The following ATP12A variants were observed in gnomAD, a reference collection of about 807,000 sequenced individuals.
ATP12A encodes potassium-transporting ATPase alpha chain 2.
In ATP12A, 81 loss-of-function variants were observed where a neutral mutation model predicts 111.2. The ratio of observed to expected loss-of-function variants is 0.73; its 90% CI spans 0.61 to 0.88. The LOEUF (loss-of-function observed/expected upper bound fraction) is 0.88. Ranked by LOEUF, ATP12A falls within the 40% of genes least tolerant of loss-of-function variation. ATP12A has a pLI of 0.00. For missense variants in ATP12A, 1,196 were observed against 1,313.1 expected, an observed-to-expected ratio of 0.91 and a Z score of 1.38; for synonymous variants, 498 against 499.8, an observed-to-expected ratio of 1.00 and a Z score of 0.05.
chr13:24,689,861 C>T (rs77183330), intron 5 of ATP12A, among the ~76,000 whole-genome samples: 3,489 of 152,206 alleles, frequency 0.023, 129 homozygotes, highest in African/African-American at 0.079. Flanking sequence ...GAAAAGACGC[C>T]TCCTGCCAAG....
At chr13:24,690,918 C>T (rs999914359) in intron 7 of ATP12A, 64 bp from the exon 8 acceptor site, 2 of 1,594,878 alleles carry the variant, frequency 1.3e-6, no homozygotes, top group African/African-American at 2.7e-5. Context: ...GAGAGGGCTG[C>T]AAGCTGGCTG....
intron 2 of ATP12A, among the ~76,000 whole-genome samples, chr13:24,683,941 A>G (rs912132925): frequency 2.0e-5 from 3 of 152,184 alleles, no homozygotes; most frequent in Non-Finnish European, 4.4e-5. Context: ...GCCTAATGAC[A>G]ACTGAAGTAT....
At chr13:24,709,874 T>C in intron 19 of ATP12A, 46 bp downstream of exon 19, 1 of 1,608,052 alleles carries the variant, frequency 6.2e-7, no homozygotes, top group Non-Finnish European at 8.5e-7. Context: ...ATTCTCTCCA[T>C]GCTCATTGCC....
chr13:24,701,013 G>GC, intron 13 of ATP12A, 91 bp downstream of exon 13: 3 of 1,350,302 alleles, frequency 2.2e-6, no homozygotes, highest in Non-Finnish European at 2.0e-6. Context: ...CAGTATTTAG[G>GC]TGTCTTCAAG....
At chr13:24,696,957 C>A (rs1052808601) in intron 11 of ATP12A, among the ~76,000 whole-genome samples, 23 of 152,174 alleles carry the variant, frequency 1.5e-4, no homozygotes, top group Non-Finnish European at 2.9e-4. Context: ...CCCAAACACA[C>A]TGGTCTGTTA....
At chr13:24,706,041 C>T (rs1446245435) in intron 14 of ATP12A, among the ~76,000 whole-genome samples, 1 of 152,206 alleles carries the variant, frequency 6.6e-6, no homozygotes, top group Non-Finnish European at 1.5e-5. Flanking sequence ...GTACCACTCT[C>T]ACCTGTTCTA....
intron 2 of ATP12A, among the ~76,000 whole-genome samples, chr13:24,682,671 T>C (rs1383231885): frequency 1.3e-5 from 2 of 152,192 alleles, no homozygotes; most frequent in African/African-American, 4.8e-5. Flanking sequence ...CCATGCTAGA[T>C]TGCAGGTGTG....
intron 2 of ATP12A, among the ~76,000 whole-genome samples, chr13:24,682,902 T>C (rs1052801451): frequency 6.6e-6 from 1 of 151,858 alleles, no homozygotes; most frequent in Non-Finnish European, 1.5e-5. Flanking sequence ...TCACGTGCTT[T>C]AGGGGAGTAC....
chr13:24,711,669 T>C lies in ATP12A; in HGVS notation c.*147T>C. 2 of 1,066,294 alleles carry C rather than the reference T, an allele frequency of 1.9e-6. No homozygotes were observed. Among genetic ancestry groups the C allele is most frequent in the Non-Finnish European group, 2.7e-6 (2 of 733,462 alleles). The allele number at this position is 1,066,294 out of a possible 1,614,324, so 66.1% of individuals were successfully genotyped here. The stretch of plus-strand genomic sequence containing the variant: ...TTCATGCAGAAAGCTGTATGCAGGA[T>C]GCTCACTGATGTTTTGCACTTTAAA... On this transcript the variant is annotated 3_prime_UTR_variant, in exon 23 of 23. Transcript: ENST00000381946.
At chr13:24,683,709 A>AT (rs888624633) in intron 2 of ATP12A, among the ~76,000 whole-genome samples, 13 of 151,826 alleles carry the variant, frequency 8.6e-5, no homozygotes, top group African/African-American at 2.7e-4. Context: ...AAAACATAAG[A>AT]TTTTTTTTTC....
At chr13:24,694,249 C>T (rs1285884638) in intron 10 of ATP12A, among the ~76,000 whole-genome samples, 195 bp from the exon 11 acceptor site, 1 of 152,188 alleles carries the variant, frequency 6.6e-6, no homozygotes, top group African/African-American at 2.4e-5. Flanking sequence ...CCAGCTTCTC[C>T]AAACATCCCT....
intron 13 of ATP12A, among the ~76,000 whole-genome samples, chr13:24,701,680 C>T (rs1439765741): frequency 6.6e-6 from 1 of 152,164 alleles, no homozygotes; most frequent in Non-Finnish European, 1.5e-5. Context: ...AGCCCTTTCA[C>T]AAATAAAGTG....
At chr13:24,697,660 T>C (rs1342684483) in intron 11 of ATP12A, among the ~76,000 whole-genome samples, 1 of 144,134 alleles carries the variant, frequency 6.9e-6, no homozygotes. Flanking sequence ...AAAAAAAAAT[T>C]TAAGAGAGAA....
rs35191129 is a variant in ATP12A, at chr13:24,688,425, TG to T, written c.342del (p.Phe115SerfsTer28). On this transcript the variant is annotated frameshift_variant, in exon 4 of 23. Transcript: ENST00000381946. LOFTEE classifies it high-confidence loss of function. ...PEIVKFLKQM[V>X]GGFSILLWVG... ...ATCGTCAAGTTCCTCAAGCAGATGG[TG>T]GGGGGGTTCTCTATCCTCCTGTGGG... The T allele has an allele frequency of 2.5e-6, 4 of 1,613,846 alleles. No homozygotes were observed. The highest frequency in any genetic ancestry group is 1.1e-5 in the South Asian group (1 of 91,044).
At chr13:24,682,401 A>ACGCACGTGTGTGTGTGTGTG (rs1555253823) in intron 2 of ATP12A, among the ~76,000 whole-genome samples, 1 of 131,136 alleles carries the variant, frequency 7.6e-6, no homozygotes, top group Non-Finnish European at 1.6e-5. Context: ...TGGTGTGTGT[A>ACGCACGTGTGTGTGTGTGTG]TGTGTGTGTG....
In ATP12A at chr13:24,690,372, C is replaced by A; in HGVS notation, c.581C>A (p.Thr194Asn). ...GTCATCCGAGATTCCGAGAAGAAGA[C>A]CATCCCTTCAGAGCAGCTGGTGGTG... Reference protein sequence around the residue: ...ALVIRDSEKKTIPSEQLVVGD... With the variant: ...ALVIRDSEKKNIPSEQLVVGD... Residue 194 changes from threonine to asparagine, a missense_variant, in exon 6 of 23, where the codon ACC becomes AAC. By Grantham distance (65) the Thr-to-Asn change is moderately conservative (BLOSUM62 0). Around this residue, in one of 3 missense-constraint regions of ATP12A, gnomAD observed 1,126 missense variants for 1,228.5 expected, o/e 0.92. Transcript: ENST00000381946. The A allele has an allele frequency of 6.2e-7, 1 of 1,613,306 alleles. No homozygotes were observed. The highest frequency in any genetic ancestry group is 1.1e-5 in the South Asian group (1 of 90,984).
chr13:24,684,735 G>A (rs1333637593), intron 2 of ATP12A, among the ~76,000 whole-genome samples: 1 of 152,266 alleles, frequency 6.6e-6, no homozygotes, highest in East Asian at 1.9e-4. Flanking sequence ...TTCTGTAGCA[G>A]AATTCACAAG....
At chr13:24,708,953 G>GAAAGAAAGAA (rs1319322234) in intron 17 of ATP12A, among the ~76,000 whole-genome samples, 1 of 137,468 alleles carries the variant, frequency 7.3e-6, no homozygotes, top group East Asian at 2.1e-4. Flanking sequence ...AAGAAAGAAA[G>GAAAGAAAGAA]AAAGAAAGAA....
chr13:24,683,751 G>A (rs188045987), intron 2 of ATP12A, among the ~76,000 whole-genome samples: 5 of 152,228 alleles, frequency 3.3e-5, no homozygotes, highest in Non-Finnish European at 5.9e-5. Flanking sequence ...AAGATTAAAT[G>A]AGATAAAACA....
Sources: allele counts gnomAD v4.1 joint callset (sites outside exome capture counted in the v4.1 genomes callset), GRCh38; gene constraint gnomAD v4.1.1; regional missense constraint gnomAD v4.1.1; transcripts MANE v1.5; gene names NCBI Gene and HGNC (gene_info 2026-07-23, HGNC 2026-07-21).